Variants in SOX6 observed in about 807,000 individuals in gnomAD.
SOX6 encodes transcription factor SOX-6.
SOX6 carries 11 observed loss-of-function variants against 97.8 expected under a neutral mutation model. That is an observed-to-expected ratio of 0.11 (90% confidence interval 0.07 to 0.19). SOX6 has a LOEUF of 0.19. SOX6 is among the 10% of genes least tolerant of loss of function. The pLI is 1.00. For missense variants in SOX6, 810 were observed against 1,039.5 expected, an observed-to-expected ratio of 0.78 and a Z score of 3.04; for synonymous variants, 360 against 371.4, an observed-to-expected ratio of 0.97 and a Z score of 0.35.
chr11:16,512,219 C>T (rs931901033), intron 4 of SOX6, among the ~76,000 whole-genome samples: 3 of 152,260 alleles, frequency 2.0e-5, no homozygotes, highest in African/African-American at 7.2e-5. Context: ...CACCCCAAGA[C>T]ACCATAAAGA....
intron 1 of SOX6, among the ~76,000 whole-genome samples, chr11:16,383,435 G>A (rs888008322): frequency 1.3e-5 from 2 of 151,934 alleles, no homozygotes; most frequent in South Asian, 2.1e-4. Context: ...ATTATATGAG[G>A]AGCACACCTA....
At chr11:16,164,988 T>C (rs1426200212) in intron 6 of SOX6, among the ~76,000 whole-genome samples, 1 of 152,172 alleles carries the variant, frequency 6.6e-6, no homozygotes, top group African/African-American at 2.4e-5. Context: ...TTTATCTATA[T>C]TGCTAACTGC....
chr11:16,603,827 A>T (rs954242417), intron 4 of SOX6, among the ~76,000 whole-genome samples: 6 of 148,518 alleles, frequency 4.0e-5, no homozygotes, highest in African/African-American at 7.9e-5. Context: ...AGAAAAGATT[A>T]AAAAAAAATC....
intron 1 of SOX6, among the ~76,000 whole-genome samples, chr11:16,419,588 G>A (rs995551578): frequency 1.5e-4 from 23 of 151,960 alleles, no homozygotes; most frequent in African/African-American, 5.3e-4. Flanking sequence ...CATTGTTTTT[G>A]CAATTTCTTA....
At chr11:16,705,466 C>T (rs907784243) in intron 3 of SOX6, among the ~76,000 whole-genome samples, 4 of 151,616 alleles carry the variant, frequency 2.6e-5, no homozygotes, top group Non-Finnish European at 5.9e-5. Context: ...CCCTAAAAAA[C>T]AAATTTAAAA....
chr11:16,421,515 T>C (rs1176376310), intron 1 of SOX6, among the ~76,000 whole-genome samples: 1 of 152,148 alleles, frequency 6.6e-6, no homozygotes, highest in Admixed American at 6.5e-5. Context: ...AACTTCAGCA[T>C]TTGGTAAAGT....
chr11:16,447,441 A>AC (rs1859633388), intron 1 of SOX6, among the ~76,000 whole-genome samples: 1 of 35,200 alleles, frequency 2.8e-5, no homozygotes, highest in African/African-American at 9.9e-5. Flanking sequence ...CTCTCCTTCG[A>AC]TTTCTCTCTC....
chr11:16,018,668 T>C (rs551317469), intron 12 of SOX6, among the ~76,000 whole-genome samples: 2 of 152,144 alleles, frequency 1.3e-5, no homozygotes, highest in East Asian at 1.9e-4. Context: ...AACAGTAAAA[T>C]TGCTCTTAAA....
In SOX6 at chr11:15,972,909, T is replaced by C. The variant is rs562913242; in HGVS notation, c.2387A>G (p.Asn796Ser). Reference protein sequence around the residue: ...GGSLAGNEMINGEDEMEMYDD... With the variant: ...GGSLAGNEMISGEDEMEMYDD... ...ATACATTTCCATTTCATCCTCTCCA[T>C]TGATCATTTCATTTCCAGCTAGGCT... The change falls in exon 16 of 16, where the codon AAT (asparagine) becomes AGT (serine). Residue 796 changes from asparagine (N) to serine (S), a missense_variant. Coordinates refer to ENST00000683767, the MANE Select transcript of SOX6 (RefSeq NM_001367873.1). 4.3e-6 allele frequency: 7 copies of C among 1,614,262 alleles called. No individual in the cohort carries two copies. The highest frequency in any genetic ancestry group is 1.3e-5 in the African/African-American group (1 of 75,072).
At chr11:16,294,214 A>G (rs2134262981) in intron 3 of SOX6, among the ~76,000 whole-genome samples, 1 of 152,216 alleles carries the variant, frequency 6.6e-6, no homozygotes, top group Non-Finnish European at 1.5e-5. Context: ...ATGACATTTC[A>G]GATAATTCAT....
At chr11:16,598,018 G>C (rs1365159610) in intron 4 of SOX6, among the ~76,000 whole-genome samples, 1 of 152,000 alleles carries the variant, frequency 6.6e-6, no homozygotes, top group Non-Finnish European at 1.5e-5. Flanking sequence ...AGATTACATA[G>C]CAATTATGTA....
chr11:16,354,825 T>A (rs1007322857), intron 1 of SOX6, among the ~76,000 whole-genome samples: 4 of 152,062 alleles, frequency 2.6e-5, no homozygotes, highest in Non-Finnish European at 5.9e-5. Context: ...CATGAATACC[T>A]TTCAAAGCCT....
chr11:16,306,426 T>G (rs2134282019), intron 3 of SOX6, among the ~76,000 whole-genome samples: 1 of 152,144 alleles, frequency 6.6e-6, no homozygotes. Context: ...AGTAGAAGAT[T>G]AGGTATGATC....
chr11:16,286,352 C>A (rs1854742503), intron 3 of SOX6, among the ~76,000 whole-genome samples: 1 of 152,036 alleles, frequency 6.6e-6, no homozygotes, highest in South Asian at 2.1e-4. Context: ...GACCTGGCAG[C>A]AAGAAATTCT....
chr11:16,332,297 C>A (rs190315113), intron 2 of SOX6, among the ~76,000 whole-genome samples: 1 of 152,216 alleles, frequency 6.6e-6, no homozygotes, highest in East Asian at 1.9e-4. Flanking sequence ...TTACTCACCA[C>A]TGGAACTGAC....
At chr11:16,717,763 C>A (rs1038137823) in intron 2 of SOX6, among the ~76,000 whole-genome samples, 1 of 152,050 alleles carries the variant, frequency 6.6e-6, no homozygotes, top group African/African-American at 2.4e-5. Flanking sequence ...TAGAAATGCA[C>A]CTACATTTGA....
At chr11:16,116,983 A>G (rs548167919) in intron 6 of SOX6, among the ~76,000 whole-genome samples, 1 of 152,306 alleles carries the variant, frequency 6.6e-6, no homozygotes, top group African/African-American at 2.4e-5. Flanking sequence ...ACTGTCTTCC[A>G]TAAAACTGGT....
intron 12 of SOX6, among the ~76,000 whole-genome samples, chr11:16,040,460 G>A (rs1480393637): frequency 6.6e-5 from 10 of 151,954 alleles, no homozygotes; most frequent in Admixed American, 6.6e-4. Context: ...TAGTTCAAAT[G>A]TAAAATCCAA....
intron 3 of SOX6, among the ~76,000 whole-genome samples, chr11:16,667,227 G>C (rs1847813844): frequency 6.6e-6 from 1 of 152,060 alleles, no homozygotes. Flanking sequence ...GCAACAGCCA[G>C]ACCCTGTCTC....
Sources: allele counts gnomAD v4.1 joint callset (sites outside exome capture counted in the v4.1 genomes callset), GRCh38; gene constraint gnomAD v4.1.1; transcripts MANE v1.5; gene names NCBI Gene and HGNC (gene_info 2026-07-23, HGNC 2026-07-21).